PDE7A: variants seen among roughly 807,000 people sequenced by gnomAD.
PDE7A encodes high affinity 3',5'-cyclic-AMP phosphodiesterase 7A.
In PDE7A, 39 loss-of-function variants were observed where a neutral mutation model predicts 64.3. That is an observed-to-expected ratio of 0.61 (90% CI 0.47 to 0.79). PDE7A has a LOEUF of 0.79. Among genes scored for constraint, PDE7A ranks in the 30% least tolerant of loss-of-function variants. PDE7A has a pLI of 0.00. For missense variants in PDE7A, 470 were observed against 582.8 expected (o/e 0.81, Z 1.99); for synonymous variants, 203 against 206.8 (o/e 0.98, Z 0.16).
Position 65,716,751 on chromosome 8 carries a change from C to G in PDE7A, c.*2539G>C, listed in dbSNP as rs1429263344. ...TTAATGTGGGTTTGCCATGATAGTT[C>G]CACTCTCTATGTACTGAAACAGTGG... On this transcript the variant is annotated 3_prime_UTR_variant, in exon 13 of 13. Transcript: ENST00000401827. Among the ~76,000 whole-genome samples the G allele has an allele frequency of 1.3e-5, 2 of 152,150 alleles. No individual in the cohort carries two copies. The highest frequency in any genetic ancestry group is 2.9e-5 in the Non-Finnish European group (2 of 68,030).
chr8:65,791,496 CACA>C (rs1250554607), intron 1 of PDE7A, among the ~76,000 whole-genome samples: 1 of 152,204 alleles, frequency 6.6e-6, no homozygotes, highest in Non-Finnish European at 1.5e-5. Flanking sequence ...TAACTGCAAT[CACA>C]ATGGTCCATG....
intron 1 of PDE7A, among the ~76,000 whole-genome samples, chr8:65,785,634 C>T: frequency 6.6e-6 from 1 of 152,022 alleles, no homozygotes; most frequent in East Asian, 1.9e-4. Context: ...AACCTAGTAG[C>T]CTAGGAAGGG....
intron 1 of PDE7A, among the ~76,000 whole-genome samples, chr8:65,800,819 C>T (rs1033996509): frequency 3.3e-5 from 5 of 152,302 alleles, no homozygotes; most frequent in South Asian, 4.1e-4. Context: ...CCTTTTAGGG[C>T]TTAAAGTTTC....
chr8:65,719,988 T>C (rs993075262), intron 12 of PDE7A, among the ~76,000 whole-genome samples: 1 of 152,228 alleles, frequency 6.6e-6, no homozygotes, highest in African/African-American at 2.4e-5. Flanking sequence ...ATGACTACAA[T>C]TGGTCATTTT....
chr8:65,813,810 T>G (rs1422832209), intron 1 of PDE7A, among the ~76,000 whole-genome samples: 1 of 152,200 alleles, frequency 6.6e-6, no homozygotes, highest in Non-Finnish European at 1.5e-5. Flanking sequence ...TCTTTAATCG[T>G]CTGGTAGTCA....
intron 1 of PDE7A, among the ~76,000 whole-genome samples, chr8:65,827,295 G>C (rs984714313): frequency 2.0e-5 from 3 of 152,124 alleles, no homozygotes; most frequent in Admixed American, 2.0e-4. Flanking sequence ...TCAGCCTACT[G>C]ATCTGTATGT....
chr8:65,841,471 T>C lies in PDE7A; in HGVS notation c.38A>G (p.Asp13Gly). Reference sequence around the variant, plus strand: ...GAGGACGTGCTGGGGGACCGGCCTGTCCAGGGGCAGTACCGGCAGCTGGTA... The same window carrying C: ...GAGGACGTGCTGGGGGACCGGCCTGCCCAGGGGCAGTACCGGCAGCTGGTA... ...VCYQLPVLPL[D>G]RPVPQHVLSR... The change falls in exon 1 of 13, where the codon GAC (aspartate) becomes GGC (glycine). Residue 13 changes from aspartate (D) to glycine (G), a missense_variant. Transcript: ENST00000401827. The C allele has an allele frequency of 6.4e-7, 1 of 1,556,964 alleles. No individual in the cohort carries two copies. The highest frequency in any genetic ancestry group is 8.6e-7 in the Non-Finnish European group (1 of 1,157,196).
rs1485498973 is a variant in PDE7A at position 65,716,478 on chromosome 8, C to T, written c.*2812G>A. 7.9e-5 allele frequency among the ~76,000 whole-genome samples: 12 copies of T among 152,040 alleles called. No homozygotes were observed. Reference sequence around the variant, plus strand: ...CTGGCAGAGAATCTCTAGCACCTTCCAGGGGAAGAGGGTACCCTGGTCCAC... The same window carrying T: ...CTGGCAGAGAATCTCTAGCACCTTCTAGGGGAAGAGGGTACCCTGGTCCAC... On this transcript the variant is annotated 3_prime_UTR_variant, in exon 13 of 13. Transcript: ENST00000401827.
intron 1 of PDE7A, among the ~76,000 whole-genome samples, chr8:65,808,477 T>A (rs116709952): frequency 0.011 from 1,655 of 152,224 alleles, 18 homozygotes; most frequent in African/African-American, 0.022. Context: ...AGTTTTTTTT[T>A]AAAAACAAAC....
intron 1 of PDE7A, among the ~76,000 whole-genome samples, chr8:65,785,837 T>A (rs1585916933): frequency 2.2e-5 from 1 of 45,810 alleles, no homozygotes; most frequent in Non-Finnish European, 4.1e-5. Flanking sequence ...ATTATTATGA[T>A]TTTTTTTTAA....
chr8:65,794,705 G>C (rs1274518933), intron 1 of PDE7A, among the ~76,000 whole-genome samples: 1 of 151,972 alleles, frequency 6.6e-6, no homozygotes, highest in African/African-American at 2.4e-5. Flanking sequence ...AAAAGAGAGA[G>C]ACACACACAC....
At chr8:65,797,070 C>G (rs762992569) in intron 1 of PDE7A, among the ~76,000 whole-genome samples, 21 of 151,814 alleles carry the variant, frequency 1.4e-4, no homozygotes, top group Non-Finnish European at 8.8e-5. Flanking sequence ...TTAAAAATAC[C>G]ATTTGCAATC....
At chr8:65,795,474 G>A (rs1266576030) in intron 1 of PDE7A, among the ~76,000 whole-genome samples, 2 of 152,192 alleles carry the variant, frequency 1.3e-5, no homozygotes, top group African/African-American at 4.8e-5. Context: ...ATACTAAGCT[G>A]AGTATGTGTA....
intron 1 of PDE7A, among the ~76,000 whole-genome samples, chr8:65,825,356 A>G (rs1366634980): frequency 6.6e-6 from 1 of 152,178 alleles, no homozygotes; most frequent in South Asian, 2.1e-4. Context: ...TTTCTATTCC[A>G]ATGGACAGGG....
intron 3 of PDE7A, among the ~76,000 whole-genome samples, chr8:65,768,448 T>C (rs1055527333): frequency 3.9e-5 from 6 of 152,164 alleles, no homozygotes; most frequent in Non-Finnish European, 7.4e-5. Context: ...AAGGGGAGTT[T>C]CCCTGCACAA....
chr8:65,743,839 CTT>C (rs71981429), intron 5 of PDE7A, among the ~76,000 whole-genome samples: 2 of 145,258 alleles, frequency 1.4e-5, no homozygotes, highest in Non-Finnish European at 1.5e-5. Flanking sequence ...AGCTGAATTG[CTT>C]TTTTTTTTTT....
chr8:65,820,836 C>G (rs990973797), intron 1 of PDE7A, among the ~76,000 whole-genome samples: 3 of 152,152 alleles, frequency 2.0e-5, no homozygotes, highest in Non-Finnish European at 4.4e-5. Flanking sequence ...ATGATCCACC[C>G]GCCTCAGCCT....
chr8:65,808,446 T>C (rs961376150), intron 1 of PDE7A, among the ~76,000 whole-genome samples: 1 of 152,200 alleles, frequency 6.6e-6, no homozygotes, highest in Non-Finnish European at 1.5e-5. Flanking sequence ...TTTCAGAATA[T>C]GGAAAATCAC....
At chr8:65,812,848 A>G (rs1247253561) in intron 1 of PDE7A, among the ~76,000 whole-genome samples, 2 of 152,246 alleles carry the variant, frequency 1.3e-5, no homozygotes, top group Non-Finnish European at 2.9e-5. Flanking sequence ...GATTCGAAAG[A>G]CTGATAACAC....
Sources: gnomAD v4.1 joint callset for allele counts (sites outside exome capture counted in the v4.1 genomes callset) on GRCh38, gnomAD v4.1.1 for gene constraint, MANE v1.5 for transcripts, NCBI Gene and HGNC (gene_info 2026-07-23, HGNC 2026-07-21) for gene names.